The following CENPK variants were observed in gnomAD, a reference collection of about 807,000 sequenced individuals.
CENPK encodes SoxLZ/Sox6-binding protein Solt.
CENPK carries 46 observed loss-of-function variants against 40.9 expected under a neutral mutation model. The ratio of observed to expected loss-of-function variants is 1.13; its 90% CI spans 0.89 to 1.44. The LOEUF is 1.44. Ranked by LOEUF, CENPK falls within the 40% of genes most tolerant of loss-of-function variation. The pLI, the probability that CENPK is intolerant of heterozygous loss-of-function variation, is 0.00. For synonymous variants in CENPK, 107 were observed against 104.4 expected (o/e 1.02, Z -0.15); for missense variants, 288 against 303.5 (o/e 0.95, Z 0.38).
At chr5:65,546,108 C>A (rs35563710) in intron 5 of CENPK, among the ~76,000 whole-genome samples, 7,193 of 152,244 alleles carry the variant, frequency 0.047, 292 homozygotes, top group African/African-American at 0.1. Flanking sequence ...ATTAAAAAGT[C>A]TGTTATAATA....
intron 10 of CENPK, 127 bp from the exon 11 acceptor site, chr5:65,518,760 CA>C: frequency 1.7e-6 from 1 of 599,420 alleles, no homozygotes; most frequent in Non-Finnish European, 2.8e-6. Context: ...TTTTAATCTA[CA>C]AATTTGAATT....
intron 5 of CENPK, among the ~76,000 whole-genome samples, chr5:65,547,554 G>A (rs550610394): frequency 2.6e-5 from 4 of 152,230 alleles, no homozygotes; most frequent in South Asian, 2.1e-4. Flanking sequence ...TAGTAACAAC[G>A]ATGTGGAAAA....
chr5:65,549,066 A>C (rs1046097947), intron 5 of CENPK, among the ~76,000 whole-genome samples: 1 of 152,184 alleles, frequency 6.6e-6, no homozygotes, highest in Non-Finnish European at 1.5e-5. Flanking sequence ...AAATAATAAG[A>C]CTTCAGTTGA....
intron 5 of CENPK, among the ~76,000 whole-genome samples, chr5:65,550,150 G>C (rs1199831881): frequency 7.3e-6 from 1 of 136,380 alleles, no homozygotes; most frequent in African/African-American, 2.8e-5. Context: ...CCTGAGGGCA[G>C]TGCAACAGAG....
intron 9 of CENPK, among the ~76,000 whole-genome samples, chr5:65,522,887 A>C (rs1172628770): frequency 2.6e-5 from 4 of 152,264 alleles, no homozygotes; most frequent in Non-Finnish European, 4.4e-5. Flanking sequence ...ACCCACTTTC[A>C]TAATTACGGA....
chr5:65,551,712 A>T, intron 4 of CENPK, 76 bp from the exon 5 acceptor site: 1 of 838,792 alleles, frequency 1.2e-6, no homozygotes, highest in Non-Finnish European at 1.8e-6. Context: ...AAACATTCTT[A>T]ATATTTTAAA....
intron 6 of CENPK, among the ~76,000 whole-genome samples, chr5:65,530,835 A>T (rs1745660930): frequency 6.6e-6 from 1 of 152,268 alleles, no homozygotes; most frequent in South Asian, 2.1e-4. Context: ...ACTTGAGGCC[A>T]GGAGGCGGAG....
intron 5 of CENPK, chr5:65,550,920 A>ATTAACT (rs60656251): frequency 0.75 from 118,283 of 157,106 alleles, 44,926 homozygotes; most frequent in East Asian, 0.89. Flanking sequence ...TCTAAAATAA[A>ATTAACT]TTATAACTTT....
At chr5:65,519,784 ATTTCT>A (rs1424678518) in intron 10 of CENPK, among the ~76,000 whole-genome samples, 7 of 152,120 alleles carry the variant, frequency 4.6e-5, no homozygotes, top group Admixed American at 2.0e-4. Context: ...CTTTGGCCTC[ATTTCT>A]TTTGAGTATC....
intron 5 of CENPK, among the ~76,000 whole-genome samples, chr5:65,548,601 C>G (rs1749428592): frequency 6.6e-6 from 1 of 152,070 alleles, no homozygotes; most frequent in African/African-American, 2.4e-5. Flanking sequence ...ATTAGTCACT[C>G]CTCTCAAACC....
intron 5 of CENPK, among the ~76,000 whole-genome samples, chr5:65,546,714 A>T (rs1250449109): frequency 2.6e-5 from 4 of 152,256 alleles, no homozygotes; most frequent in Non-Finnish European, 5.9e-5. Context: ...GTAGGCGATT[A>T]GGACACAGAA....
rs1043343369 is a variant in CENPK at position 65,552,547 on chromosome 5, A to G, written c.114T>C (p.Cys38=). The G allele has an allele frequency of 4.6e-6, 7 of 1,532,360 alleles. No individual in the cohort carries two copies. The highest frequency in any genetic ancestry group is 4.1e-5 in the Admixed American group (2 of 49,226). 94.9% of individuals were successfully genotyped at this position (1,532,360 alleles called of 1,614,324 possible). The change falls in exon 4 of 11, where the codon TGT becomes TGC. Residue 38 remains cysteine, a splice_region_variant and synonymous_variant. Transcript: ENST00000396679. ...CEEMWKDMEE[C]QNKLSLIGTE... ...TTCCAATAAGTGATAATTTATTCTGACACTTGATTTAAAAAGTAAAAAAAG... is the reference window on the plus strand; with the variant it reads ...TTCCAATAAGTGATAATTTATTCTGGCACTTGATTTAAAAAGTAAAAAAAG...
In CENPK at chr5:65,555,615, T is replaced by A. The variant is rs1165628483; in HGVS notation, c.-39-669A>T. The stretch of plus-strand genomic sequence containing the variant: ...GCAGGAAAACCAATTAGAAAGCTAC[T>A]GCAATGACCCAAGCAAGATGTAGAC... On this transcript the variant is annotated intron_variant, in intron 2 of 10. Transcript: ENST00000396679. Among the ~76,000 whole-genome samples, 6 of 152,302 alleles carry A rather than the reference T, an allele frequency of 3.9e-5. No homozygotes were observed. The South Asian group carries it at 1.2e-3, about 32-fold the overall frequency.
At chr5:65,514,799 A>G (rs192202697), downstream of CENPK, among the ~76,000 whole-genome samples, 1 of 152,210 alleles carries the variant, frequency 6.6e-6, no homozygotes, top group Non-Finnish European at 1.5e-5. Context: ...TGCGTCTTTC[A>G]CAAAATTGGT....
intron 10 of CENPK, among the ~76,000 whole-genome samples, chr5:65,521,041 T>G (rs1020269247): frequency 7.2e-5 from 11 of 152,142 alleles, no homozygotes; most frequent in African/African-American, 2.7e-4. Context: ...AATTGTACAA[T>G]TTCTACAACT....
At chr5:65,535,014 G>A (rs1688303238) in intron 6 of CENPK, among the ~76,000 whole-genome samples, 1 of 152,116 alleles carries the variant, frequency 6.6e-6, no homozygotes, top group African/African-American at 2.4e-5. Context: ...GCCCAGGAGT[G>A]CATACAAGCC....
At position 65,555,603 on chromosome 5, in the gene CENPK, T is replaced by C. The variant is rs553673030; in HGVS notation, c.-39-657A>G. ...GTAAGGATAGAAGCAGGAAAACCAATTAGAAAGCTACTGCAATGACCCAAG... is the reference window on the plus strand; with the variant it reads ...GTAAGGATAGAAGCAGGAAAACCAACTAGAAAGCTACTGCAATGACCCAAG... On this transcript the variant is annotated intron_variant, in intron 2 of 10. Coordinates refer to ENST00000396679, the MANE Select transcript of CENPK (RefSeq NM_022145.5). Among the ~76,000 whole-genome samples the C allele has an allele frequency of 1.2e-4, 19 of 152,278 alleles. No individual in the cohort carries two copies. The East Asian group carries it at 3.7e-3, about 29-fold the overall frequency.
chr5:65,523,440 C>A (rs1212502499), intron 9 of CENPK, among the ~76,000 whole-genome samples: 2 of 151,850 alleles, frequency 1.3e-5, no homozygotes, highest in East Asian at 3.9e-4. Flanking sequence ...CTTATAAAGC[C>A]TTGCAGAAAT....
the CENPK span, among the ~76,000 whole-genome samples, chr5:65,504,349 C>G: frequency 6.7e-6 from 1 of 149,026 alleles, no homozygotes; most frequent in Admixed American, 6.8e-5. Flanking sequence ...CCAGATACTC[C>G]GGAGGCCTAG....
Sources: gnomAD v4.1 joint callset for allele counts (sites outside exome capture counted in the v4.1 genomes callset) on GRCh38, gnomAD v4.1.1 for gene constraint, MANE v1.5 for transcripts, NCBI Gene and HGNC (gene_info 2026-07-23, HGNC 2026-07-21) for gene names.